COL14A1: variants seen among roughly 807,000 people sequenced by gnomAD.
COL14A1 encodes collagen alpha-1(XIV) chain.
In COL14A1, 136 loss-of-function variants were observed where a neutral mutation model predicts 230.3. The observed-to-expected ratio is 0.59, with a 90% CI of 0.51 to 0.68. COL14A1 has a LOEUF of 0.68. Among genes scored for constraint, COL14A1 ranks in the 30% least tolerant of loss-of-function variants. The pLI, the probability that COL14A1 is intolerant of heterozygous loss-of-function variation, is 0.00. For synonymous variants in COL14A1, 792 were observed against 784.1 expected, an observed-to-expected ratio of 1.01 and a Z score of -0.17; for missense variants, 1,976 against 2,215.8, an observed-to-expected ratio of 0.89 and a Z score of 2.17.
chr8:120,153,041 A>G (rs1815342413), intron 2 of COL14A1, among the ~76,000 whole-genome samples: 1 of 151,454 alleles, frequency 6.6e-6, no homozygotes, highest in African/African-American at 2.4e-5. Flanking sequence ...ATGAAATTAC[A>G]ACATATGAGG....
Position 120,243,894 on chromosome 8 carries a change from A to G in COL14A1, c.2365A>G (p.Ser789Gly). ...EVIGTVMVPGSQNNLLLKPLL... is the reference protein window; with the variant it reads ...EVIGTVMVPGGQNNLLLKPLL... ...TTTTGTTCAGGTTATGGTGCCTGGA[A>G]GCCAGAACAACCTCCTTCTGAAGCC... The change falls in exon 20 of 48, where the codon AGC (serine) becomes GGC (glycine). Residue 789 changes from serine to glycine, a missense_variant. Ser to Gly is a moderately conservative substitution (Grantham distance 56). Around this residue, in one of 3 missense-constraint regions of COL14A1, gnomAD observed 1,791 missense variants for 2,019.5 expected, o/e 0.89. Coordinates refer to ENST00000297848, the MANE Select transcript of COL14A1 (RefSeq NM_021110.4). The G allele has an allele frequency of 6.2e-7, 1 of 1,613,458 alleles. No individual in the cohort carries two copies. Among genetic ancestry groups the G allele is most frequent in the Non-Finnish European group, 8.5e-7 (1 of 1,179,522 alleles).
At chr8:120,191,323 A>G (rs889963591) in intron 5 of COL14A1, among the ~76,000 whole-genome samples, 1 of 152,110 alleles carries the variant, frequency 6.6e-6, no homozygotes, top group Non-Finnish European at 1.5e-5. Flanking sequence ...ATTCAGGAGC[A>G]GGTTGTTCAG....
At chr8:120,177,203 G>A (rs1816309246) in intron 5 of COL14A1, among the ~76,000 whole-genome samples, 1 of 152,172 alleles carries the variant, frequency 6.6e-6, no homozygotes, top group African/African-American at 2.4e-5. Context: ...AATCACATTT[G>A]AGCCAAGGCC....
intron 26 of COL14A1, among the ~76,000 whole-genome samples, chr8:120,274,584 C>T (rs909719053): frequency 2.0e-4 from 31 of 151,650 alleles, no homozygotes; most frequent in Admixed American, 1.5e-3. Context: ...AACTTAAAGA[C>T]TTCTCCAAAA....
intron 32 of COL14A1, among the ~76,000 whole-genome samples, chr8:120,285,463 CAAAAAA>C (rs1218052645): frequency 3.1e-5 from 2 of 64,998 alleles, no homozygotes; most frequent in African/African-American, 6.2e-5. Context: ...GACTCCATCT[CAAAAAA>C]AAAAAAAAAA....
chr8:120,283,907 A>G, intron 32 of COL14A1, 129 bp downstream of exon 32: 1 of 621,276 alleles, frequency 1.6e-6, no homozygotes. Flanking sequence ...ATACTAAACA[A>G]TGAATTATAT....
chr8:120,239,324 A>G (rs1400236544), intron 19 of COL14A1, among the ~76,000 whole-genome samples: 2 of 152,210 alleles, frequency 1.3e-5, no homozygotes, highest in Non-Finnish European at 2.9e-5. Context: ...CACTCTGGGA[A>G]AGAAGTCTAC....
At chr8:120,175,524 A>G (rs1816253437) in intron 5 of COL14A1, among the ~76,000 whole-genome samples, 1 of 152,148 alleles carries the variant, frequency 6.6e-6, no homozygotes, top group African/African-American at 2.4e-5. Flanking sequence ...TCTGGGGGAA[A>G]AATGAGATGA....
At chr8:120,248,927 T>C (rs1157974532) in intron 21 of COL14A1, among the ~76,000 whole-genome samples, 2 of 119,382 alleles carry the variant, frequency 1.7e-5, no homozygotes, top group African/African-American at 3.9e-5. Context: ...CTTTTTTTTT[T>C]TTTTTTTTTT....
intron 25 of COL14A1, 111 bp downstream of exon 25, chr8:120,266,994 C>T (rs1425666042): frequency 1.1e-6 from 1 of 925,340 alleles, no homozygotes; most frequent in Non-Finnish European, 1.7e-6. Flanking sequence ...ATTGTGCTAC[C>T]TAATTTTCTC....
intron 40 of COL14A1, 95 bp downstream of exon 40, chr8:120,316,092 C>G: frequency 7.9e-7 from 1 of 1,273,602 alleles, no homozygotes; most frequent in South Asian, 1.3e-5. Context: ...GGGAGTCAAG[C>G]CAGTTTTTGC....
intron 40 of COL14A1, among the ~76,000 whole-genome samples, chr8:120,318,947 A>G (rs1358244677): frequency 6.6e-6 from 1 of 152,010 alleles, no homozygotes; most frequent in Non-Finnish European, 1.5e-5. Flanking sequence ...CTGTGCCTTT[A>G]TTTCCCCTGT....
chr8:120,341,479 T>G, intron 43 of COL14A1, 119 bp downstream of exon 43: 1 of 1,086,918 alleles, frequency 9.2e-7, no homozygotes, highest in Non-Finnish European at 1.3e-6. Context: ...TACCAGTCTC[T>G]GTTTCTCCCT....
intron 2 of COL14A1, among the ~76,000 whole-genome samples, chr8:120,157,665 C>A (rs539405117): frequency 6.6e-5 from 10 of 152,128 alleles, no homozygotes; most frequent in African/African-American, 2.4e-4. Context: ...GCAAACTGAT[C>A]AGTTCATTAG....
At chr8:120,135,296 C>A (rs1814672973) in intron 1 of COL14A1, among the ~76,000 whole-genome samples, 1 of 152,068 alleles carries the variant, frequency 6.6e-6, no homozygotes, top group Admixed American at 6.6e-5. Context: ...CAGTGTCTCC[C>A]TCTGTTGTCC....
chr8:120,247,331 G>A (rs1184621894), intron 20 of COL14A1, among the ~76,000 whole-genome samples: 1 of 152,094 alleles, frequency 6.6e-6, no homozygotes, highest in African/African-American at 2.4e-5. Context: ...GCTGAGGCAG[G>A]AGAATTACTT....
chr8:120,355,452 C>G (rs1399264313), intron 45 of COL14A1, among the ~76,000 whole-genome samples: 1 of 151,072 alleles, frequency 6.6e-6, no homozygotes, highest in Admixed American at 6.6e-5. Flanking sequence ...GTCCCCCAGA[C>G]TGGATTGCAG....
chr8:120,311,760 T>TA (rs1033573458), intron 37 of COL14A1, among the ~76,000 whole-genome samples: 1 of 152,172 alleles, frequency 6.6e-6, no homozygotes, highest in African/African-American at 2.4e-5. Flanking sequence ...TGGGACCCCC[T>TA]AGTTTTTGCC....
At chr8:120,342,497 A>C (rs765453677) in intron 44 of COL14A1, 51 bp downstream of exon 44, 1 of 1,542,520 alleles carries the variant, frequency 6.5e-7, no homozygotes, top group South Asian at 1.1e-5. Context: ...ACTCTCATCC[A>C]AAAGAGAGTT....
Sources: gnomAD v4.1 joint callset for allele counts (sites outside exome capture counted in the v4.1 genomes callset) on GRCh38, gnomAD v4.1.1 for gene constraint, gnomAD v4.1.1 regional missense constraint, MANE v1.5 for transcripts, NCBI Gene and HGNC (gene_info 2026-07-23, HGNC 2026-07-21) for gene names.